The following SLC25A21 variants were observed in gnomAD, a reference collection of about 807,000 sequenced individuals.
The protein encoded by SLC25A21 is solute carrier family 25 member 21, also known as mitochondrial 2-oxodicarboxylate carrier.
In SLC25A21, 47 loss-of-function variants were observed where a neutral mutation model predicts 43.8. That is an observed-to-expected ratio of 1.07 (90% CI 0.85 to 1.37). The LOEUF (loss-of-function observed/expected upper bound fraction) is 1.37, where lower values mean the gene tolerates loss of function less well. SLC25A21 is among the 40% of genes most tolerant of loss of function. SLC25A21 has a pLI of 0.00. For missense variants in SLC25A21, 352 were observed against 350.2 expected, an observed-to-expected ratio of 1.00 and a Z score of -0.04; for synonymous variants, 131 against 121.3, an observed-to-expected ratio of 1.08 and a Z score of -0.52.
rs113173561 is a variant in SLC25A21, at chr14:36,747,434, G to A, written c.204-12861C>T. Among the ~76,000 whole-genome samples, 551 of 152,260 alleles carry A rather than the reference G, an allele frequency of 3.6e-3. 4 individuals are homozygous for A. The highest frequency in any genetic ancestry group is 0.012 in the African/African-American group (517 of 41,564). On this transcript the variant is annotated intron_variant, in intron 3 of 9. Coordinates refer to ENST00000331299, the MANE Select transcript of SLC25A21 (RefSeq NM_030631.4). ...CCAGTTCTCTGTACTAGTGTTTATG[G>A]AAATGAATTAGTACATTGTTGTTAG...
intron 3 of SLC25A21, among the ~76,000 whole-genome samples, chr14:36,813,412 T>G (rs1182276817): frequency 6.6e-6 from 1 of 151,650 alleles, no homozygotes; most frequent in Non-Finnish European, 1.5e-5. Context: ...CAGGCCGGAG[T>G]GCAGTGGCGC....
chr14:36,906,164 A>G (rs1481872553), intron 1 of SLC25A21, among the ~76,000 whole-genome samples: 1 of 152,224 alleles, frequency 6.6e-6, no homozygotes, highest in African/African-American at 2.4e-5. Context: ...AGTATGCACT[A>G]TTTGAATTTT....
rs1230154010 is a variant in SLC25A21 at position 36,909,585 on chromosome 14, A to G, written c.71-34581T>C. 3.3e-5 allele frequency among the ~76,000 whole-genome samples: 5 copies of G among 152,210 alleles called. No individual in the cohort carries two copies. The East Asian group carries it at 7.7e-4, about 23-fold the overall frequency. ...ATTTTTAGGACACACTGACATATAGAAAGTATTATTCCAAATTCATGGGTT... is the reference window on the plus strand; with the variant it reads ...ATTTTTAGGACACACTGACATATAGGAAGTATTATTCCAAATTCATGGGTT... On this transcript the variant is annotated intron_variant, in intron 1 of 9. Transcript: ENST00000331299.
intron 1 of SLC25A21, among the ~76,000 whole-genome samples, chr14:37,011,752 A>C (rs1391819973): frequency 6.6e-6 from 1 of 152,218 alleles, no homozygotes; most frequent in African/African-American, 2.4e-5. Context: ...ACACATCCTC[A>C]TACCAAAAGT....
chr14:37,007,948 C>T (rs999019272), intron 1 of SLC25A21, among the ~76,000 whole-genome samples: 5 of 70,018 alleles, frequency 7.1e-5, no homozygotes, highest in Non-Finnish European at 1.0e-4. Flanking sequence ...CCAAAATGAT[C>T]GCACAATTTT....
chr14:36,679,143 A>AGAAT lies in SLC25A21; in HGVS notation c.*1511_*1514dup, dbSNP rs1488381103. On this transcript the variant is annotated 3_prime_UTR_variant, in exon 10 of 10. Coordinates refer to ENST00000331299, the MANE Select transcript of SLC25A21 (RefSeq NM_030631.4). ...ATGTAAGAATATTACCTGCAAGGAT[A>AGAAT]GAATGCAGTTGTGCAACAGAGACAC... 3.5e-5 allele frequency: 34 copies of AGAAT among 985,324 alleles called. No individual in the cohort carries two copies. The highest frequency in any genetic ancestry group is 3.9e-5 in the Non-Finnish European group (32 of 829,938). The allele number at this position is 985,324 out of a possible 1,614,324, so 61.0% of individuals were successfully genotyped here.
chr14:37,001,012 C>T (rs903156285), intron 1 of SLC25A21, among the ~76,000 whole-genome samples: 3 of 152,086 alleles, frequency 2.0e-5, no homozygotes, highest in Admixed American at 1.3e-4. Context: ...CTTCTCCGAC[C>T]ACCCTATTTA....
rs991919437 is a variant in SLC25A21, at chr14:37,068,114, C to T, written c.70+104167G>A. ...AACCCCCGGACTTGAACACAGGCCG[C>T]GACAGCAGAGTCAGGGTTCATAGTC... On this transcript the variant is annotated intron_variant, in intron 1 of 9. Coordinates refer to ENST00000331299, the MANE Select transcript of SLC25A21 (RefSeq NM_030631.4). Among the ~76,000 whole-genome samples the T allele has an allele frequency of 6.0e-4, 91 of 152,316 alleles. 1 individual carries two copies. Among genetic ancestry groups the T allele is most frequent in the Admixed American group, 2.3e-3 (35 of 15,308 alleles).
chr14:37,146,384 C>T (rs886651789), intron 1 of SLC25A21, among the ~76,000 whole-genome samples: 1 of 152,078 alleles, frequency 6.6e-6, no homozygotes, highest in Non-Finnish European at 1.5e-5. Context: ...GTAGCTAAGG[C>T]TACAGGAACG....
At chr14:37,035,993 C>G (rs947946821) in intron 1 of SLC25A21, among the ~76,000 whole-genome samples, 1 of 152,200 alleles carries the variant, frequency 6.6e-6, no homozygotes, top group African/African-American at 2.4e-5. Context: ...TTAAAAATCT[C>G]TTGTCCTTCT....
chr14:36,794,510 G>A (rs1450794453), intron 3 of SLC25A21, among the ~76,000 whole-genome samples: 1 of 152,178 alleles, frequency 6.6e-6, no homozygotes, highest in Non-Finnish European at 1.5e-5. Flanking sequence ...GCTCATGCCT[G>A]TAAGCCCAGC....
chr14:36,915,019 A>T (rs1235006983), intron 1 of SLC25A21, among the ~76,000 whole-genome samples: 1 of 152,028 alleles, frequency 6.6e-6, no homozygotes, highest in Non-Finnish European at 1.5e-5. Flanking sequence ...TAAAAAAAAA[A>T]CTTACTATTT....
At chr14:36,723,601 C>T (rs1884464228) in intron 6 of SLC25A21, among the ~76,000 whole-genome samples, 1 of 152,222 alleles carries the variant, frequency 6.6e-6, no homozygotes, top group Non-Finnish European at 1.5e-5. Flanking sequence ...AAGTGATGAA[C>T]TGGAAGCATG....
chr14:37,053,476 C>T (rs941650288), intron 1 of SLC25A21, among the ~76,000 whole-genome samples: 9 of 152,102 alleles, frequency 5.9e-5, no homozygotes, highest in Non-Finnish European at 1.2e-4. Flanking sequence ...AGGTTAAATG[C>T]TATATAATGT....
chr14:36,739,181 C>T (rs894456356), intron 3 of SLC25A21, among the ~76,000 whole-genome samples: 1 of 152,228 alleles, frequency 6.6e-6, no homozygotes, highest in African/African-American at 2.4e-5. Flanking sequence ...GAAAACAGGT[C>T]TCTATTCCAA....
At chr14:37,094,040 T>C (rs1006484192) in intron 1 of SLC25A21, among the ~76,000 whole-genome samples, 16 of 152,338 alleles carry the variant, frequency 1.1e-4, no homozygotes, top group African/African-American at 3.6e-4. Context: ...AAATGGGTCA[T>C]GTCTGAATGT....
chr14:36,918,177 T>C (rs987942661), intron 1 of SLC25A21, among the ~76,000 whole-genome samples: 1 of 152,138 alleles, frequency 6.6e-6, no homozygotes, highest in African/African-American at 2.4e-5. Flanking sequence ...ACCACAAGAT[T>C]TACTGTAGAG....
intron 2 of SLC25A21, among the ~76,000 whole-genome samples, chr14:36,854,646 T>C (rs1459750172): frequency 6.6e-6 from 1 of 152,316 alleles, no homozygotes; most frequent in East Asian, 1.9e-4. Flanking sequence ...CACTATGATG[T>C]GTTTTTACAA....
chr14:36,933,389 C>T (rs559515042), intron 1 of SLC25A21, among the ~76,000 whole-genome samples: 15 of 152,114 alleles, frequency 9.9e-5, no homozygotes, highest in African/African-American at 3.6e-4. Context: ...TCTCCAGTAC[C>T]AGACAGAGAC....
Sources: allele counts gnomAD v4.1 joint callset (sites outside exome capture counted in the v4.1 genomes callset), GRCh38; gene constraint gnomAD v4.1.1; transcripts MANE v1.5; gene names NCBI Gene and HGNC (gene_info 2026-07-23, HGNC 2026-07-21).